The following UGT1A9 variants were observed in gnomAD, a reference collection of about 807,000 sequenced individuals.
UGT1A9 encodes the protein UDP glucuronosyltransferase family 1 member A9.
A neutral mutation model predicts 45.0 loss-of-function variants in UGT1A9; 35 were observed. The observed-to-expected ratio is 0.78, with a 90% CI of 0.59 to 1.03. UGT1A9 has a LOEUF of 1.03. UGT1A9 is among the 50% of genes least tolerant of loss of function. The probability of loss-of-function intolerance (pLI) is 0.00; values close to 1 mark genes in which losing one functional copy is unlikely to be tolerated. For missense variants in UGT1A9, 687 were observed against 666.6 expected (o/e 1.03, Z -0.34); for synonymous variants, 278 against 250.6 (o/e 1.11, Z -1.03).
intron 1 of UGT1A9, chr2:233,729,420 A>G (rs2077855113): frequency 5.6e-6 from 9 of 1,613,854 alleles, no homozygotes; most frequent in Middle Eastern, 1.7e-4. Flanking sequence ...GCCACACTCA[A>G]CTGTACTTTG....
At chr2:233,736,303 A>T (rs1206412550) in intron 1 of UGT1A9, among the ~76,000 whole-genome samples, 2 of 152,062 alleles carry the variant, frequency 1.3e-5, no homozygotes, top group Non-Finnish European at 2.9e-5. Context: ...TGCTCTAATC[A>T]GCTATTGAAT....
intron 1 of UGT1A9, among the ~76,000 whole-genome samples, chr2:233,706,095 A>T (rs2075888829): frequency 1.7e-5 from 2 of 120,396 alleles, no homozygotes; most frequent in Non-Finnish European, 3.6e-5. Context: ...ATTCTGTCTT[A>T]AAAAAAAACC....
chr2:233,701,893 A>G (rs17862865), intron 1 of UGT1A9, among the ~76,000 whole-genome samples: 86,716 of 151,582 alleles, frequency 0.57, 26,751 homozygotes, highest in African/African-American at 0.82. Context: ...GAGAAAGCAG[A>G]AAAGATCTAA....
At chr2:233,731,010 G>T (rs17868337) in intron 1 of UGT1A9, among the ~76,000 whole-genome samples, 1 of 152,138 alleles carries the variant, frequency 6.6e-6, no homozygotes, top group Admixed American at 6.5e-5. Flanking sequence ...CATGTACATC[G>T]TGAGAGAATC....
chr2:233,728,804 G>A (rs2077751761), intron 1 of UGT1A9, among the ~76,000 whole-genome samples: 1 of 152,198 alleles, frequency 6.6e-6, no homozygotes, highest in African/African-American at 2.4e-5. Context: ...AGAAGTAGGA[G>A]ACAGTGACAT....
At chr2:233,731,444 C>T (rs1406518964) in intron 1 of UGT1A9, among the ~76,000 whole-genome samples, 1 of 152,126 alleles carries the variant, frequency 6.6e-6, no homozygotes, top group Non-Finnish European at 1.5e-5. Flanking sequence ...CAGTCCCCCA[C>T]CCCACAACAG....
At chr2:233,723,516 C>CTTTTTTTTTTTTTTTTTTTTTATTTTT (rs1162916866) in intron 1 of UGT1A9, among the ~76,000 whole-genome samples, 1 of 85,406 alleles carries the variant, frequency 1.2e-5, no homozygotes, top group Non-Finnish European at 2.3e-5. Flanking sequence ...GGTCAACAAT[C>CTTTTTTTTTTTTTTTTTTTTTATTTTT]TTTTTTTTTT....
At chr2:233,690,354 A>G (rs1451688714) in intron 1 of UGT1A9, among the ~76,000 whole-genome samples, 2 of 152,190 alleles carry the variant, frequency 1.3e-5, no homozygotes, top group African/African-American at 2.4e-5. Flanking sequence ...TTAGCACCTT[A>G]GAAGCAAACC....
intron 1 of UGT1A9, among the ~76,000 whole-genome samples, chr2:233,740,070 C>T (rs1691295893): frequency 6.6e-6 from 1 of 151,860 alleles, no homozygotes; most frequent in South Asian, 2.1e-4. Context: ...AGCTTTTCCT[C>T]TCTGTCTCTC....
intron 1 of UGT1A9, among the ~76,000 whole-genome samples, chr2:233,695,779 T>G (rs1173631160): frequency 6.6e-6 from 1 of 152,234 alleles, no homozygotes; most frequent in Admixed American, 6.5e-5. Context: ...TGAATAATTT[T>G]CCATTCTGTA....
intron 1 of UGT1A9, chr2:233,747,078 AG>A: frequency 1.8e-6 from 2 of 1,085,946 alleles, no homozygotes; most frequent in Non-Finnish European, 2.6e-6. Context: ...ATAATTAACT[AG>A]GAGGAGAGCA....
At chr2:233,726,820 G>A (rs956550712) in intron 1 of UGT1A9, among the ~76,000 whole-genome samples, 1 of 151,954 alleles carries the variant, frequency 6.6e-6, no homozygotes, top group African/African-American at 2.4e-5. Flanking sequence ...TCCTCTATTC[G>A]ACCATTTAAA....
At chr2:233,693,908 G>T in intron 1 of UGT1A9, 1 of 1,612,956 alleles carries the variant, frequency 6.2e-7, no homozygotes, top group South Asian at 1.1e-5. Context: ...TTTCTTCCAG[G>T]CTCTGTCCTC....
intron 1 of UGT1A9, chr2:233,760,289 T>A: frequency 2.5e-6 from 4 of 1,613,270 alleles, no homozygotes; most frequent in Non-Finnish European, 3.4e-6. Flanking sequence ...AAAGGCGCCA[T>A]GGCTGTGGAG....
intron 1 of UGT1A9, among the ~76,000 whole-genome samples, chr2:233,687,124 G>A (rs1156428889): frequency 1.3e-5 from 2 of 152,148 alleles, no homozygotes; most frequent in African/African-American, 4.8e-5. Context: ...AAAACTCAGC[G>A]TTATCTAGAT....
intron 1 of UGT1A9, among the ~76,000 whole-genome samples, chr2:233,704,417 A>G (rs2075786654): frequency 1.3e-5 from 2 of 151,970 alleles, no homozygotes; most frequent in Admixed American, 6.6e-5. Context: ...ATTTATACCA[A>G]CTTAATTCCA....
chr2:233,718,465 T>G (rs2076655710), intron 1 of UGT1A9, among the ~76,000 whole-genome samples: 1 of 152,222 alleles, frequency 6.6e-6, no homozygotes, highest in Non-Finnish European at 1.5e-5. Context: ...AGACCTCAGC[T>G]GCAGCCTGAT....
At chr2:233,729,604 G>C in intron 1 of UGT1A9, 2 of 1,613,996 alleles carry the variant, frequency 1.2e-6, no homozygotes, top group Non-Finnish European at 1.7e-6. Context: ...CTGCGCGGCA[G>C]TGCTGGCTAA....
At chr2:233,747,354 G>C (rs753872482) in intron 1 of UGT1A9, 1 of 1,602,508 alleles carries the variant, frequency 6.2e-7, no homozygotes, top group Non-Finnish European at 8.5e-7. Context: ...GCGGGAGGCC[G>C]TGCGGGAGCT....
Sources: allele counts gnomAD v4.1 joint callset (sites outside exome capture counted in the v4.1 genomes callset), GRCh38; gene constraint gnomAD v4.1.1; transcripts MANE v1.5; gene names NCBI Gene and HGNC (gene_info 2026-07-23, HGNC 2026-07-21).